Variants in LMBRD1 observed in about 807,000 individuals in gnomAD.
The protein encoded by LMBRD1 is lysosomal cobalamin transport escort protein LMBD1.
LMBRD1 carries 64 observed loss-of-function variants against 74.8 expected under a neutral mutation model. That is an observed-to-expected ratio of 0.86 (90% confidence interval 0.70 to 1.05). The LOEUF (loss-of-function observed/expected upper bound fraction) is 1.05. Among genes scored for constraint, LMBRD1 ranks in the 50% least tolerant of loss-of-function variants. The pLI is 0.00. For missense variants in LMBRD1, 652 were observed against 645.9 expected, an observed-to-expected ratio of 1.01 and a Z score of -0.10; for synonymous variants, 204 against 216.3, an observed-to-expected ratio of 0.94 and a Z score of 0.50.
At chr6:69,743,650 C>A (rs905187123) in intron 5 of LMBRD1, among the ~76,000 whole-genome samples, 2 of 152,178 alleles carry the variant, frequency 1.3e-5, no homozygotes, top group Non-Finnish European at 2.9e-5. Context: ...AAATTCAAAG[C>A]AGGTTCTTAA....
intron 2 of LMBRD1, among the ~76,000 whole-genome samples, chr6:69,788,150 T>G (rs983115793): frequency 1.3e-5 from 2 of 152,166 alleles, no homozygotes; most frequent in Non-Finnish European, 2.9e-5. Context: ...TTTTAAGTTC[T>G]AGGGTACATG....
intron 14 of LMBRD1, among the ~76,000 whole-genome samples, chr6:69,687,852 GT>G (rs924587061): frequency 6.6e-6 from 1 of 152,018 alleles, no homozygotes; most frequent in African/African-American, 2.4e-5. Flanking sequence ...GGACCACGTA[GT>G]TTTTTTTAAA....
chr6:69,783,441 T>C (rs1765879487), intron 2 of LMBRD1, among the ~76,000 whole-genome samples: 1 of 152,232 alleles, frequency 6.6e-6, no homozygotes, highest in Non-Finnish European at 1.5e-5. Context: ...GGCATGATCA[T>C]GGCTCACTGC....
At chr6:69,688,095 A>G (rs570125407) in intron 14 of LMBRD1, among the ~76,000 whole-genome samples, 83 of 152,230 alleles carry the variant, frequency 5.5e-4, no homozygotes, top group Non-Finnish European at 1.1e-3. Flanking sequence ...AGTACCACAG[A>G]AGGTATTAAC....
At chr6:69,768,849 A>AT (rs893018708) in intron 3 of LMBRD1, among the ~76,000 whole-genome samples, 31 of 148,330 alleles carry the variant, frequency 2.1e-4, no homozygotes, top group Non-Finnish European at 3.5e-4. Context: ...AGAAATCTTT[A>AT]TTTTTTTTTT....
intron 9 of LMBRD1, among the ~76,000 whole-genome samples, chr6:69,704,435 A>G (rs1287091950): frequency 6.6e-6 from 1 of 152,020 alleles, no homozygotes; most frequent in Non-Finnish European, 1.5e-5. Flanking sequence ...ATTTTATTCA[A>G]TTAGTTATCA....
chr6:69,759,077 T>A (rs1205098544), intron 3 of LMBRD1, among the ~76,000 whole-genome samples: 4 of 152,156 alleles, frequency 2.6e-5, no homozygotes, highest in Non-Finnish European at 5.9e-5. Flanking sequence ...CCCAGATGTC[T>A]AGTAAGAATT....
intron 9 of LMBRD1, among the ~76,000 whole-genome samples, chr6:69,713,283 T>C (rs1766421350): frequency 6.6e-6 from 1 of 152,030 alleles, no homozygotes; most frequent in Non-Finnish European, 1.5e-5. Context: ...CAAAATAGAC[T>C]AAACACTTAA....
At chr6:69,703,432 C>T (rs1218612554) in intron 9 of LMBRD1, among the ~76,000 whole-genome samples, 1 of 149,832 alleles carries the variant, frequency 6.7e-6, no homozygotes, top group Admixed American at 6.6e-5. Flanking sequence ...GTTAAGATTC[C>T]CTCTCTTTGG....
intron 5 of LMBRD1, chr6:69,746,995 G>A (rs1767248697): frequency 6.6e-6 from 1 of 151,304 alleles, no homozygotes; most frequent in Non-Finnish European, 1.5e-5. Flanking sequence ...CCCTGAAGAA[G>A]GAGGGACCTA....
At chr6:69,792,934 T>G (rs1766118458) in intron 1 of LMBRD1, among the ~76,000 whole-genome samples, 1 of 152,212 alleles carries the variant, frequency 6.6e-6, no homozygotes, top group Admixed American at 6.5e-5. Context: ...AGAATCCCTT[T>G]ATAATGGTTT....
chr6:69,793,125 AGTT>A (rs1324125775), intron 1 of LMBRD1, among the ~76,000 whole-genome samples: 13 of 152,380 alleles, frequency 8.5e-5, no homozygotes, highest in African/African-American at 3.1e-4. Context: ...AAACAGTAGT[AGTT>A]ATTAGATAAT....
intron 9 of LMBRD1, chr6:69,705,858 CCG>C: frequency 7.5e-7 from 1 of 1,337,360 alleles, no homozygotes; most frequent in East Asian, 2.3e-5. Flanking sequence ...CACACTTCAA[CCG>C]TAAGACCACT....
chr6:69,790,540 G>C, intron 1 of LMBRD1, 68 bp from the exon 2 acceptor site: 1 of 1,503,530 alleles, frequency 6.7e-7, no homozygotes, highest in Non-Finnish European at 9.2e-7. Context: ...GTATGTGTTT[G>C]AAAGTTTCTA....
At position 69,677,903 on chromosome 6, in the gene LMBRD1, AT is replaced by A. The variant is rs150328462; in HGVS notation, c.1418-1363del. ...GTTATTTGATATTTGTGTAAACCCC[AT>A]ATTAGTTTTGTACAAATACATTATT... On this transcript the variant is annotated intron_variant, in intron 14 of 15. Coordinates refer to ENST00000649934, the MANE Select transcript of LMBRD1 (RefSeq NM_018368.4). 3.4e-3 allele frequency among the ~76,000 whole-genome samples: 518 copies of A among 152,268 alleles called. 2 individuals are homozygous for A. Among genetic ancestry groups the A allele is most frequent in the African/African-American group, 0.012 (481 of 41,562 alleles).
chr6:69,761,212 T>TA (rs1202919218), intron 3 of LMBRD1, among the ~76,000 whole-genome samples: 3 of 152,196 alleles, frequency 2.0e-5, no homozygotes, highest in African/African-American at 4.8e-5. Flanking sequence ...GGGTTGAACT[T>TA]AGACTTTGTA....
intron 2 of LMBRD1, among the ~76,000 whole-genome samples, chr6:69,789,987 C>G (rs1393880411): frequency 6.6e-6 from 1 of 152,186 alleles, no homozygotes; most frequent in Non-Finnish European, 1.5e-5. Context: ...TAACAAAAGC[C>G]CTTCTCAATT....
chr6:69,684,272 T>C lies in LMBRD1; in HGVS notation c.1418-7731A>G, dbSNP rs542776462. ...TCATAATATGGTTGACAAAGCTGAA[T>C]ACATACCAAAGAACATAGAGTAAAT... On this transcript the variant is annotated intron_variant, in intron 14 of 15. Coordinates refer to ENST00000649934, the MANE Select transcript of LMBRD1 (RefSeq NM_018368.4). Among the ~76,000 whole-genome samples the C allele has an allele frequency of 3.9e-5, 6 of 152,084 alleles. No homozygotes were observed. The South Asian group carries it at 1.0e-3, about 26-fold the overall frequency.
chr6:69,794,183 A>C (rs1766158750), intron 1 of LMBRD1, among the ~76,000 whole-genome samples: 1 of 152,306 alleles, frequency 6.6e-6, no homozygotes, highest in Admixed American at 6.5e-5. Flanking sequence ...TGACATTTGC[A>C]CTCATGGTTC....
Sources: allele counts gnomAD v4.1 joint callset (sites outside exome capture counted in the v4.1 genomes callset), GRCh38; gene constraint gnomAD v4.1.1; transcripts MANE v1.5; gene names NCBI Gene and HGNC (gene_info 2026-07-23, HGNC 2026-07-21).